WWOX: variants seen among roughly 807,000 people sequenced by gnomAD.
The protein encoded by WWOX is WW domain containing oxidoreductase, also known as WW domain-containing oxidoreductase.
In WWOX, 69 loss-of-function variants were observed where a neutral mutation model predicts 46.2. The observed-to-expected ratio is 1.49, with a 90% CI of 1.23 to 1.82. WWOX has a LOEUF of 1.82. Ranked by LOEUF, WWOX falls within the 40% of genes most tolerant of loss-of-function variation. The pLI is 0.00. For missense variants in WWOX, 919 were observed against 542.6 expected, an observed-to-expected ratio of 1.69 and a Z score of -6.89; for synonymous variants, 359 against 202.6, an observed-to-expected ratio of 1.77 and a Z score of -6.56.
chr16:78,895,067 C>A (rs1395005378), intron 8 of WWOX, among the ~76,000 whole-genome samples: 1 of 152,174 alleles, frequency 6.6e-6, no homozygotes, highest in Non-Finnish European at 1.5e-5. Context: ...ATTAGGAAAA[C>A]AAACACAATG....
chr16:78,734,551 G>A (rs896111018), intron 8 of WWOX, among the ~76,000 whole-genome samples: 11 of 152,140 alleles, frequency 7.2e-5, no homozygotes, highest in African/African-American at 2.4e-4. Flanking sequence ...CACTGAACTT[G>A]AGAGCAGAGC....
intron 5 of WWOX, among the ~76,000 whole-genome samples, chr16:78,262,795 G>A (rs1003047566): frequency 4.6e-5 from 7 of 152,144 alleles, no homozygotes; most frequent in African/African-American, 1.7e-4. Context: ...AGGCCCATCT[G>A]GGCTGTGGGG....
chr16:78,862,925 C>T (rs2043922186), intron 8 of WWOX, among the ~76,000 whole-genome samples: 1 of 150,926 alleles, frequency 6.6e-6, no homozygotes, highest in South Asian at 2.1e-4. Context: ...GTCAAGTGGA[C>T]ACATACAATT....
At chr16:78,794,638 C>G (rs2050691589) in intron 8 of WWOX, among the ~76,000 whole-genome samples, 1 of 152,228 alleles carries the variant, frequency 6.6e-6, no homozygotes, top group South Asian at 2.1e-4. Flanking sequence ...ATGGCTGACA[C>G]ATAGCAAGAC....
chr16:78,893,339 C>T (rs919485886), intron 8 of WWOX, among the ~76,000 whole-genome samples: 21 of 152,194 alleles, frequency 1.4e-4, no homozygotes, highest in South Asian at 6.2e-4. Context: ...CGCCTGTCCC[C>T]TCTCACATGG....
chr16:78,788,107 C>T (rs1263288516), intron 8 of WWOX, among the ~76,000 whole-genome samples: 1 of 152,046 alleles, frequency 6.6e-6, no homozygotes, highest in African/African-American at 2.4e-5. Flanking sequence ...CTTTTTTACT[C>T]TTTTTATAGT....
At chr16:78,713,038 G>T (rs1258681307) in intron 8 of WWOX, among the ~76,000 whole-genome samples, 1 of 152,028 alleles carries the variant, frequency 6.6e-6, no homozygotes, top group East Asian at 1.9e-4. Flanking sequence ...GACAGGCTGA[G>T]GGAGGAGAAC....
At chr16:78,386,528 C>A (rs193125887) in intron 5 of WWOX, among the ~76,000 whole-genome samples, 1 of 152,110 alleles carries the variant, frequency 6.6e-6, no homozygotes, top group Admixed American at 6.5e-5. Context: ...GCATTCCCCT[C>A]CTTACAGCGT....
intron 8 of WWOX, among the ~76,000 whole-genome samples, chr16:78,862,033 A>T (rs527312685): frequency 4.4e-4 from 66 of 149,318 alleles, no homozygotes; most frequent in African/African-American, 1.5e-3. Context: ...ATAGATACAC[A>T]CATGTATCTA....
intron 8 of WWOX, among the ~76,000 whole-genome samples, chr16:79,049,143 G>T (rs1429055389): frequency 6.6e-6 from 1 of 152,184 alleles, no homozygotes; most frequent in African/African-American, 2.4e-5. Flanking sequence ...TAGACTTTGT[G>T]ACCCATACAG....
In WWOX at chr16:78,658,576, C is replaced by T. The variant is rs1005995835; in HGVS notation, c.1056+225824C>T. Among the ~76,000 whole-genome samples, 5 of 152,184 alleles carry T rather than the reference C, an allele frequency of 3.3e-5. No individual in the cohort carries two copies. In the South Asian group the frequency reaches 8.3e-4, roughly 25 times the overall value. On this transcript the variant is annotated intron_variant, in intron 8 of 8. Coordinates refer to ENST00000566780, the MANE Select transcript of WWOX (RefSeq NM_016373.4). Reference sequence around the variant, plus strand: ...CAGTGAAAGCCTGCTCCGTGCCTCTCCTCCAGCCTCTGGTGGCTGCCATTA... The same window carrying T: ...CAGTGAAAGCCTGCTCCGTGCCTCTTCTCCAGCCTCTGGTGGCTGCCATTA...
chr16:78,551,687 G>C (rs1214502594), intron 8 of WWOX: 1 of 130,028 alleles, frequency 7.7e-6, no homozygotes, highest in Admixed American at 8.7e-5. Flanking sequence ...AGATCACACA[G>C]GCAGGCTGAG....
chr16:78,590,611 T>G (rs2151601817), intron 8 of WWOX, among the ~76,000 whole-genome samples: 1 of 151,994 alleles, frequency 6.6e-6, no homozygotes, highest in East Asian at 2.0e-4. Context: ...TCCTGCAGTT[T>G]GTGTGTTAAG....
At chr16:78,853,653 A>G (rs1295367536) in intron 8 of WWOX, among the ~76,000 whole-genome samples, 3 of 152,046 alleles carry the variant, frequency 2.0e-5, no homozygotes, top group Non-Finnish European at 4.4e-5. Flanking sequence ...CTGGGTGGAG[A>G]AGAGGGGCGG....
intron 8 of WWOX, among the ~76,000 whole-genome samples, chr16:78,980,130 A>G (rs1323046580): frequency 1.3e-5 from 2 of 152,174 alleles, no homozygotes; most frequent in South Asian, 2.1e-4. Flanking sequence ...TCCATCTCAA[A>G]TCAATCAACC....
At chr16:78,882,183 T>A (rs372572846) in intron 8 of WWOX, among the ~76,000 whole-genome samples, 11 of 152,342 alleles carry the variant, frequency 7.2e-5, no homozygotes, top group African/African-American at 2.4e-4. Flanking sequence ...GACTTATTTT[T>A]AATTATTAAG....
chr16:78,253,366 T>C (rs1429159560), intron 5 of WWOX, among the ~76,000 whole-genome samples: 2 of 152,228 alleles, frequency 1.3e-5, no homozygotes, highest in Non-Finnish European at 2.9e-5. Context: ...CAAAGTGTTT[T>C]GCATGTGCTT....
At chr16:78,887,219 A>G (rs981603613) in intron 8 of WWOX, among the ~76,000 whole-genome samples, 15 of 151,562 alleles carry the variant, frequency 9.9e-5, no homozygotes, top group South Asian at 6.3e-4. Flanking sequence ...AAGAGTCTCA[A>G]TGTCAACTTA....
intron 8 of WWOX, among the ~76,000 whole-genome samples, chr16:78,441,995 G>A (rs1410447204): frequency 1.3e-5 from 2 of 148,934 alleles, no homozygotes; most frequent in Admixed American, 1.3e-4. Flanking sequence ...TGTGTGGCTG[G>A]GCATGGTGGC....
Sources: gnomAD v4.1 joint callset for allele counts (sites outside exome capture counted in the v4.1 genomes callset) on GRCh38, gnomAD v4.1.1 for gene constraint, MANE v1.5 for transcripts, NCBI Gene and HGNC (gene_info 2026-07-23, HGNC 2026-07-21) for gene names.